The following SERPINE2 variants were observed in gnomAD, a reference collection of about 807,000 sequenced individuals.
SERPINE2 encodes serpin family E member 2, also known as glia-derived nexin.
In SERPINE2, 14 loss-of-function variants were observed where a neutral mutation model predicts 36.3. The ratio of observed to expected loss-of-function variants is 0.39; its 90% CI spans 0.25 to 0.60. SERPINE2 has a LOEUF of 0.60. SERPINE2 is among the 20% of genes least tolerant of loss of function. SERPINE2 has a pLI of 0.57. For synonymous variants in SERPINE2, 192 were observed against 191.8 expected, an observed-to-expected ratio of 1.00 and a Z score of -0.01; for missense variants, 418 against 499.6, an observed-to-expected ratio of 0.84 and a Z score of 1.56.
At chr2:224,037,138 G>A (rs1692561905) in intron 1 of SERPINE2, among the ~76,000 whole-genome samples, 1 of 152,204 alleles carries the variant, frequency 6.6e-6, no homozygotes, top group Admixed American at 6.5e-5. Context: ...TACCACCTAT[G>A]AGTATCCAAC....
chr2:223,988,719 A>G (rs1407459053), intron 4 of SERPINE2, among the ~76,000 whole-genome samples: 2 of 152,248 alleles, frequency 1.3e-5, no homozygotes, highest in Non-Finnish European at 2.9e-5. Flanking sequence ...TTACCTTTAG[A>G]AATTTACTGA....
intron 1 of SERPINE2, among the ~76,000 whole-genome samples, chr2:224,019,832 G>T (rs1316088645): frequency 1.3e-5 from 2 of 148,592 alleles, no homozygotes; most frequent in Non-Finnish European, 3.0e-5. Flanking sequence ...CTTGCCATGT[G>T]GGTCTGGATA....
At chr2:223,977,019 C>T (rs906426305) in intron 8 of SERPINE2, among the ~76,000 whole-genome samples, 7 of 152,256 alleles carry the variant, frequency 4.6e-5, no homozygotes, top group Middle Eastern at 3.4e-3. Flanking sequence ...CCACTTCACT[C>T]GGCTCTCATT....
intron 5 of SERPINE2, among the ~76,000 whole-genome samples, chr2:223,983,909 T>A (rs75329861): frequency 0.016 from 2,379 of 151,546 alleles, 57 homozygotes; most frequent in African/African-American, 0.055. Flanking sequence ...AGGCCTACGA[T>A]GCCACCATCT....
At position 224,007,065 on chromosome 2, in the gene SERPINE2, A is replaced by T. The variant is rs561695740; in HGVS notation, c.-22-5143T>A. ...CTAGGATAGCCAGACACAAAACATGAAGCTCATTTTCTACCTAATAAATTC... is the reference window on the plus strand; with the variant it reads ...CTAGGATAGCCAGACACAAAACATGTAGCTCATTTTCTACCTAATAAATTC... On this transcript the variant is annotated intron_variant, in intron 1 of 8. Coordinates refer to ENST00000409304, the MANE Select transcript of SERPINE2 (RefSeq NM_001136528.2). 5.3e-5 allele frequency among the ~76,000 whole-genome samples: 8 copies of T among 152,356 alleles called. No homozygotes were observed. The South Asian group carries it at 1.4e-3, about 28-fold the overall frequency.
intron 2 of SERPINE2, chr2:224,001,428 G>C (rs1252912415): frequency 1.1e-5 from 6 of 525,390 alleles, no homozygotes; most frequent in Admixed American, 3.5e-5. Flanking sequence ...AGCTCCAAAA[G>C]TACAAAAAAG....
intron 3 of SERPINE2, among the ~76,000 whole-genome samples, chr2:223,993,566 G>T (rs1690762267): frequency 6.6e-6 from 1 of 151,572 alleles, no homozygotes; most frequent in Non-Finnish European, 1.5e-5. Context: ...GTGTATGTGT[G>T]TATGTGTATA....
chr2:224,000,923 G>A (rs964471876), intron 2 of SERPINE2, among the ~76,000 whole-genome samples: 1 of 152,054 alleles, frequency 6.6e-6, no homozygotes, highest in Non-Finnish European at 1.5e-5. Context: ...TCTTTATCCA[G>A]TCTATCATTG....
intron 7 of SERPINE2, 160 bp downstream of exon 7, chr2:223,980,151 C>CTTCAGTCT: frequency 1.8e-6 from 1 of 570,138 alleles, no homozygotes; most frequent in Non-Finnish European, 3.2e-6. Flanking sequence ...GGTTACAGGT[C>CTTCAGTCT]TTCAGTCTGT....
chr2:223,991,279 G>A (rs191835311), intron 4 of SERPINE2, among the ~76,000 whole-genome samples: 4 of 152,196 alleles, frequency 2.6e-5, no homozygotes, highest in Admixed American at 2.0e-4. Context: ...TCCCTGGAGC[G>A]GGACTGCTGG....
At chr2:224,033,587 T>C (rs527689889) in intron 1 of SERPINE2, among the ~76,000 whole-genome samples, 1 of 151,494 alleles carries the variant, frequency 6.6e-6, no homozygotes, top group South Asian at 2.1e-4. Context: ...CTATTGGTGG[T>C]GCAGCCCATA....
At position 223,989,033 on chromosome 2, in the gene SERPINE2, C is replaced by G. The variant is rs542535319; in HGVS notation, c.685+2770G>C. ...TTGATACTTAATAGGGAATTTTATC[C>G]TAGGAAATAGGATTTTAGGGGAACT... On this transcript the variant is annotated intron_variant, in intron 4 of 8. Coordinates refer to ENST00000409304, the MANE Select transcript of SERPINE2 (RefSeq NM_001136528.2). Among the ~76,000 whole-genome samples, 6 of 152,212 alleles carry G rather than the reference C, an allele frequency of 3.9e-5. No individual in the cohort carries two copies. In the East Asian group the frequency reaches 9.7e-4, roughly 24 times the overall value.
At chr2:224,014,560 T>C (rs1161896976) in intron 1 of SERPINE2, among the ~76,000 whole-genome samples, 1 of 152,176 alleles carries the variant, frequency 6.6e-6, no homozygotes, top group East Asian at 1.9e-4. Context: ...AGAGTGGGAA[T>C]GTGTGTTCTC....
At chr2:224,030,209 T>A (rs1248296017) in intron 1 of SERPINE2, 1 of 985,268 alleles carries the variant, frequency 1.0e-6, no homozygotes, top group African/African-American at 1.7e-5. Flanking sequence ...GCCTGAAGCC[T>A]GCGGGCAGGA....
At chr2:224,010,261 T>C in intron 1 of SERPINE2, 1 of 711,958 alleles carries the variant, frequency 1.4e-6, no homozygotes, top group Non-Finnish European at 1.7e-6. Context: ...TCTTAAATTT[T>C]TGTCTGCCTT....
chr2:224,012,728 C>A (rs13011032), intron 1 of SERPINE2, among the ~76,000 whole-genome samples: 19,033 of 152,094 alleles, frequency 0.13, 1,315 homozygotes, highest in Middle Eastern at 0.18. Context: ...CGTTATGTAG[C>A]CTTCAAAATT....
At chr2:224,006,313 G>A (rs1691423290) in intron 1 of SERPINE2, among the ~76,000 whole-genome samples, 1 of 152,142 alleles carries the variant, frequency 6.6e-6, no homozygotes, top group Admixed American at 6.5e-5. Context: ...AGGGGTACTA[G>A]TCTCCAAAAA....
rs35648274 is a variant in SERPINE2, at chr2:223,983,967, C to CAA, written c.884+783_884+784dup. On this transcript the variant is annotated intron_variant, in intron 5 of 8. Transcript: ENST00000409304. Reference sequence around the variant, plus strand: ...ATTGCCTACTTGAAGGCTTATTTTACAAAAAAAAAAAATCTTGAGAGAATT... The same window carrying CAA: ...ATTGCCTACTTGAAGGCTTATTTTACAAAAAAAAAAAAAATCTTGAGAGAATT... 8.7e-4 allele frequency among the ~76,000 whole-genome samples: 127 copies of CAA among 145,442 alleles called. 1 individual carries two copies. The highest frequency in any genetic ancestry group is 2.3e-3 in the African/African-American group (91 of 38,864).
intron 1 of SERPINE2, among the ~76,000 whole-genome samples, chr2:224,020,222 A>C (rs939318551): frequency 6.6e-6 from 1 of 152,208 alleles, no homozygotes; most frequent in Non-Finnish European, 1.5e-5. Flanking sequence ...GTCTACCCTG[A>C]GAGACTCAGC....
Sources: gnomAD v4.1 joint callset for allele counts (sites outside exome capture counted in the v4.1 genomes callset) on GRCh38, gnomAD v4.1.1 for gene constraint, MANE v1.5 for transcripts, NCBI Gene and HGNC (gene_info 2026-07-23, HGNC 2026-07-21) for gene names.